KCNMA1: variants seen among roughly 807,000 people sequenced by gnomAD.
KCNMA1 encodes potassium calcium-activated channel subfamily M alpha 1.
Under a neutral mutation model 140.0 loss-of-function variants are expected in KCNMA1, and 29 were observed. That is an observed-to-expected ratio of 0.21 (90% CI 0.15 to 0.28). The LOEUF (loss-of-function observed/expected upper bound fraction) is 0.28, where lower values mean the gene tolerates loss of function less well. Among genes scored for constraint, KCNMA1 ranks in the 10% least tolerant of loss-of-function variants. KCNMA1 has a pLI of 1.00. For synonymous variants in KCNMA1, 612 were observed against 611.9 expected (o/e 1.00, Z 0.00); for missense variants, 880 against 1,602.2 (o/e 0.55, Z 7.70).
chr10:77,506,596 A>AGAGAGAGAGAGT, intron 1 of KCNMA1, among the ~76,000 whole-genome samples: 11 of 83,556 alleles, frequency 1.3e-4, no homozygotes, highest in African/African-American at 5.2e-4. Flanking sequence ...AGAGAGAGAG[A>AGAGAGAGAGAGT]GTGTGTGTGT....
intron 14 of KCNMA1, among the ~76,000 whole-genome samples, chr10:77,042,555 T>C (rs1228439781): frequency 6.6e-6 from 1 of 152,150 alleles, no homozygotes; most frequent in Non-Finnish European, 1.5e-5. Context: ...TGTGTTCTTT[T>C]ATAATGTGTT....
intron 1 of KCNMA1, among the ~76,000 whole-genome samples, chr10:77,627,569 G>A (rs1159358460): frequency 6.6e-6 from 1 of 152,134 alleles, no homozygotes; most frequent in Non-Finnish European, 1.5e-5. Flanking sequence ...AAATAAAGTG[G>A]CCTTCATGGA....
In KCNMA1 at chr10:76,886,241, C is replaced by G. The variant is rs886047263; in HGVS notation, c.*1025G>C. ...GGCATTGGGGCCCTAACTAATCAAA[C>G]AAAGGGGAGTAAAAAGATCCCCTGA... On this transcript the variant is annotated 3_prime_UTR_variant, in exon 28 of 28. Coordinates refer to ENST00000286628, the MANE Select transcript of KCNMA1 (RefSeq NM_001161352.2). 1.5e-5 allele frequency: 15 copies of G among 984,618 alleles called. No individual in the cohort carries two copies. The highest frequency in any genetic ancestry group is 1.7e-5 in the African/African-American group (1 of 57,192). 61.0% of individuals were successfully genotyped at this position (984,618 alleles called of 1,614,324 possible).
intron 2 of KCNMA1, among the ~76,000 whole-genome samples, chr10:77,295,787 C>CAAAAAAAAAAAAAAAAAAAAAA (rs36034012): frequency 4.6e-5 from 2 of 43,246 alleles, no homozygotes; most frequent in African/African-American, 8.5e-5. Flanking sequence ...GACTCCGTCT[C>CAAAAAAAAAAAAAAAAAAAAAA]AAAAAAAAAA....
chr10:77,111,457 C>T (rs1402478030), intron 7 of KCNMA1, among the ~76,000 whole-genome samples: 1 of 152,166 alleles, frequency 6.6e-6, no homozygotes, highest in African/African-American at 2.4e-5. Flanking sequence ...ACTATCTCCT[C>T]CACATATGTG....
chr10:77,028,400 C>T (rs2093657311), intron 15 of KCNMA1, among the ~76,000 whole-genome samples: 3 of 152,100 alleles, frequency 2.0e-5, no homozygotes, highest in African/African-American at 7.2e-5. Context: ...CATTGTCACT[C>T]CTGGCTCCAT....
intron 1 of KCNMA1, among the ~76,000 whole-genome samples, chr10:77,494,346 G>C (rs993048162): frequency 2.1e-4 from 32 of 152,346 alleles, no homozygotes; most frequent in African/African-American, 7.5e-4. Context: ...GAAGGACTGT[G>C]CAGGAGGAGG....
intron 2 of KCNMA1, among the ~76,000 whole-genome samples, chr10:77,259,499 A>G (rs187351922): frequency 1.3e-5 from 2 of 152,306 alleles, no homozygotes; most frequent in African/African-American, 4.8e-5. Context: ...GTATGAAGAA[A>G]AAAAAAATCC....
intron 15 of KCNMA1, among the ~76,000 whole-genome samples, chr10:77,030,244 T>C (rs1478343345): frequency 6.6e-6 from 1 of 152,102 alleles, no homozygotes; most frequent in African/African-American, 2.4e-5. Context: ...TTATGCAGCT[T>C]GCTGAAACAC....
At position 77,637,689 on chromosome 10, in the gene KCNMA1, G is replaced by A. The variant is rs1603639332; in HGVS notation, c.-47C>T. 6.9e-7 allele frequency: 1 copy of A among 1,440,206 alleles called. No individual in the cohort carries two copies. Among genetic ancestry groups the A allele is most frequent in the Admixed American group, 2.9e-5 (1 of 34,504 alleles). 89.2% of individuals were successfully genotyped at this position (1,440,206 alleles called of 1,614,324 possible). A position where few individuals can be genotyped will look rare whatever the true frequency, so the allele number is the denominator to read the frequency against. On this transcript the variant is annotated 5_prime_UTR_variant, in exon 1 of 28. Transcript: ENST00000286628. ...GCAGGGGCTCGGGGGAGCTCCTCCC[G>A]CCGCCAGCGCCACCCCAAACACCCA...
intron 2 of KCNMA1, among the ~76,000 whole-genome samples, chr10:77,367,620 A>G (rs2094443907): frequency 6.6e-6 from 1 of 152,222 alleles, no homozygotes; most frequent in African/African-American, 2.4e-5. Context: ...GAATGTTAGT[A>G]TATGTGTCAA....
At chr10:76,978,963 T>C (rs2153224797) in intron 19 of KCNMA1, among the ~76,000 whole-genome samples, 1 of 152,342 alleles carries the variant, frequency 6.6e-6, no homozygotes, top group Non-Finnish European at 1.5e-5. Context: ...ATTTTGATAG[T>C]TTGAAAATAT....
At chr10:76,925,223 A>G (rs995793452) in intron 23 of KCNMA1, among the ~76,000 whole-genome samples, 4 of 152,164 alleles carry the variant, frequency 2.6e-5, no homozygotes, top group African/African-American at 9.7e-5. Context: ...ATCTTCATAT[A>G]CCCACTGGAC....
intron 2 of KCNMA1, among the ~76,000 whole-genome samples, chr10:77,344,718 A>G (rs1219785403): frequency 6.6e-6 from 1 of 151,762 alleles, no homozygotes; most frequent in Non-Finnish European, 1.5e-5. Context: ...GTAATCACTC[A>G]CTCCACAATC....
At chr10:77,197,248 T>A (rs1473332889) in intron 3 of KCNMA1, among the ~76,000 whole-genome samples, 1 of 152,244 alleles carries the variant, frequency 6.6e-6, no homozygotes, top group Non-Finnish European at 1.5e-5. Flanking sequence ...AAAAGGTATA[T>A]CTTTTTATTT....
chr10:77,069,087 TAG>T (rs1200806645), intron 14 of KCNMA1, among the ~76,000 whole-genome samples: 1 of 152,096 alleles, frequency 6.6e-6, no homozygotes, highest in African/African-American at 2.4e-5. Context: ...GGAAGCCAAG[TAG>T]AGAGTAAGTG....
chr10:77,044,835 A>G (rs1271770740), intron 14 of KCNMA1, among the ~76,000 whole-genome samples: 2 of 152,216 alleles, frequency 1.3e-5, no homozygotes, highest in Non-Finnish European at 2.9e-5. Flanking sequence ...AACAGGATTC[A>G]GAGTTCACAC....
In KCNMA1 at chr10:77,441,985, A is replaced by T. The variant is rs577979432; in HGVS notation, c.379-37962T>A. ...CAGGGCGGCTTCAGAACTGTCCTGG[A>T]TGAGCTAGGGACAGCCCTGTCTCAA... On this transcript the variant is annotated intron_variant, in intron 1 of 27. Coordinates refer to ENST00000286628, the MANE Select transcript of KCNMA1 (RefSeq NM_001161352.2). Among the ~76,000 whole-genome samples, 5 of 152,250 alleles carry T rather than the reference A, an allele frequency of 3.3e-5. No individual in the cohort carries two copies. In the South Asian group the frequency reaches 1.0e-3, roughly 32 times the overall value.
chr10:77,090,362 G>T, intron 10 of KCNMA1, 38 bp downstream of exon 10: 1 of 1,333,860 alleles, frequency 7.5e-7, no homozygotes. Context: ...AGGGTGTGTG[G>T]TTGGGCAGAG....
Sources: gnomAD v4.1 joint callset for allele counts (sites outside exome capture counted in the v4.1 genomes callset) on GRCh38, gnomAD v4.1.1 for gene constraint, MANE v1.5 for transcripts, NCBI Gene and HGNC (gene_info 2026-07-23, HGNC 2026-07-21) for gene names.